ZDHHC14: variants seen among roughly 807,000 people sequenced by gnomAD.
ZDHHC14 encodes the protein zDHHC palmitoyltransferase 14.
A neutral mutation model predicts 47.7 loss-of-function variants in ZDHHC14; 16 were observed. That is an observed-to-expected ratio of 0.34 (90% confidence interval 0.23 to 0.51). The LOEUF (loss-of-function observed/expected upper bound fraction) is 0.51. Among genes scored for constraint, ZDHHC14 ranks in the 20% least tolerant of loss-of-function variants. The pLI is 0.97. For missense variants in ZDHHC14, 515 were observed against 662.5 expected, an observed-to-expected ratio of 0.78 and a Z score of 2.44; for synonymous variants, 293 against 278.9, an observed-to-expected ratio of 1.05 and a Z score of -0.50.
chr6:157,602,819 G>A lies in ZDHHC14; in HGVS notation c.565+9673G>A, dbSNP rs548465796. Among the ~76,000 whole-genome samples the A allele has an allele frequency of 2.8e-4, 42 of 152,334 alleles. 1 individual carries two copies. Among genetic ancestry groups the A allele is most frequent in the African/African-American group, 9.9e-4 (41 of 41,576 alleles). ...ACCCAGGCTGGGTTCTGCTGCTGCTGAGGGCACCAGCCCCTTCGTGCTAGC... is the reference window on the plus strand; with the variant it reads ...ACCCAGGCTGGGTTCTGCTGCTGCTAAGGGCACCAGCCCCTTCGTGCTAGC... On this transcript the variant is annotated intron_variant, in intron 3 of 8. Coordinates refer to ENST00000359775, the MANE Select transcript of ZDHHC14 (RefSeq NM_024630.3).
At chr6:157,610,196 G>C (rs1278518079) in intron 3 of ZDHHC14, among the ~76,000 whole-genome samples, 1 of 152,234 alleles carries the variant, frequency 6.6e-6, no homozygotes, top group Non-Finnish European at 1.5e-5. Flanking sequence ...TGTAATCCCA[G>C]CACTTTGGGA....
At chr6:157,538,997 C>T (rs1401046576) in intron 1 of ZDHHC14, among the ~76,000 whole-genome samples, 2 of 152,032 alleles carry the variant, frequency 1.3e-5, no homozygotes, top group African/African-American at 4.8e-5. Context: ...GGAGCTCGAG[C>T]TTCATTTGGT....
chr6:157,421,027 G>A (rs528017447), intron 1 of ZDHHC14, among the ~76,000 whole-genome samples: 3 of 152,224 alleles, frequency 2.0e-5, no homozygotes, highest in East Asian at 1.9e-4. Flanking sequence ...CTGAACTAAC[G>A]TAATACCTTT....
At chr6:157,556,177 G>A (rs1382791984) in intron 2 of ZDHHC14, among the ~76,000 whole-genome samples, 9 of 150,674 alleles carry the variant, frequency 6.0e-5, no homozygotes, top group Admixed American at 2.0e-4. Flanking sequence ...GATTTGGTTC[G>A]TGTTGTGGTG....
At chr6:157,451,988 G>T (rs1284448885) in intron 1 of ZDHHC14, among the ~76,000 whole-genome samples, 1 of 152,208 alleles carries the variant, frequency 6.6e-6, no homozygotes, top group Non-Finnish European at 1.5e-5. Flanking sequence ...GGGGCCCAAA[G>T]GGGATGCTGA....
At chr6:157,616,693 G>T (rs1032804979) in intron 3 of ZDHHC14, among the ~76,000 whole-genome samples, 2 of 152,184 alleles carry the variant, frequency 1.3e-5, no homozygotes, top group Non-Finnish European at 2.9e-5. Context: ...AACCACACAC[G>T]AGGCAGGAGG....
intron 3 of ZDHHC14, among the ~76,000 whole-genome samples, chr6:157,611,803 A>G (rs1784760049): frequency 6.6e-6 from 1 of 152,180 alleles, no homozygotes; most frequent in African/African-American, 2.4e-5. Context: ...CTGTTTGTGC[A>G]TCTTTTTGAC....
chr6:157,533,388 GTC>G (rs1781433036), intron 1 of ZDHHC14, among the ~76,000 whole-genome samples: 6 of 152,196 alleles, frequency 3.9e-5, no homozygotes, highest in Non-Finnish European at 8.8e-5. Context: ...GGGATGGCTG[GTC>G]ATAGGAGGGC....
In ZDHHC14 at chr6:157,673,787, G is replaced by A. The variant is rs1340082903; in HGVS notation, c.*665G>A. On this transcript the variant is annotated 3_prime_UTR_variant, in exon 9 of 9. Coordinates refer to ENST00000359775, the MANE Select transcript of ZDHHC14 (RefSeq NM_024630.3). The surrounding 1 kb of genome is among the most constrained non-coding windows in gnomAD (Gnocchi z 5.4). ...GCACCGGGGCTGCAGAGGGCGGCTGGGGTTCCGTCGTGTCGGGTGTCACTT... is the reference window on the plus strand; with the variant it reads ...GCACCGGGGCTGCAGAGGGCGGCTGAGGTTCCGTCGTGTCGGGTGTCACTT... The A allele has an allele frequency of 6.5e-6, 1 of 152,686 alleles. No individual in the cohort carries two copies. The highest frequency in any genetic ancestry group is 1.5e-5 in the Non-Finnish European group (1 of 68,092). 9.5% of individuals were successfully genotyped at this position (152,686 alleles called of 1,614,324 possible).
intron 2 of ZDHHC14, among the ~76,000 whole-genome samples, chr6:157,545,413 A>G (rs1394862230): frequency 6.6e-6 from 1 of 152,066 alleles, no homozygotes; most frequent in African/African-American, 2.4e-5. Flanking sequence ...GCAGTGGCTC[A>G]CGCCTGTAAT....
chr6:157,576,835 C>T (rs1783324190), intron 2 of ZDHHC14, among the ~76,000 whole-genome samples: 1 of 152,218 alleles, frequency 6.6e-6, no homozygotes, highest in Non-Finnish European at 1.5e-5. Context: ...CAGGCTATGC[C>T]ACTGTTCCGA....
intron 3 of ZDHHC14, among the ~76,000 whole-genome samples, chr6:157,624,623 C>A (rs1164523938): frequency 6.6e-6 from 1 of 152,170 alleles, no homozygotes; most frequent in Non-Finnish European, 1.5e-5. Flanking sequence ...ATTTAATGGA[C>A]AGGAGCTCAG....
intron 1 of ZDHHC14, among the ~76,000 whole-genome samples, chr6:157,458,508 A>G (rs1282658585): frequency 6.6e-6 from 1 of 152,152 alleles, no homozygotes; most frequent in Non-Finnish European, 1.5e-5. Context: ...GAAAATGTCA[A>G]TTCAAAAAAT....
intron 5 of ZDHHC14, among the ~76,000 whole-genome samples, chr6:157,640,616 C>T (rs548957582): frequency 6.6e-5 from 10 of 152,264 alleles, no homozygotes; most frequent in Admixed American, 1.3e-4. Context: ...CAGGGGTGTC[C>T]AGAGCTGGAG....
At chr6:157,640,142 C>G (rs613531) in intron 5 of ZDHHC14, among the ~76,000 whole-genome samples, 85,352 of 152,104 alleles carry the variant, frequency 0.56, 24,634 homozygotes, top group African/African-American at 0.65. Flanking sequence ...GAGGAAGACC[C>G]CAAAAGGGGA....
chr6:157,468,358 T>C (rs1256696152), intron 1 of ZDHHC14, among the ~76,000 whole-genome samples: 1 of 152,198 alleles, frequency 6.6e-6, no homozygotes, highest in Non-Finnish European at 1.5e-5. Flanking sequence ...GCCCATTCCT[T>C]GTGATATTTT....
intron 1 of ZDHHC14, 50 bp downstream of exon 1, chr6:157,382,316 T>C (rs1377290686): frequency 6.3e-7 from 1 of 1,591,164 alleles, no homozygotes; most frequent in Admixed American, 1.9e-5. Flanking sequence ...TGGTCTCCCC[T>C]GTCCCCCGCC....
intron 1 of ZDHHC14, among the ~76,000 whole-genome samples, chr6:157,435,235 G>A (rs1434516715): frequency 6.6e-6 from 1 of 152,254 alleles, no homozygotes; most frequent in East Asian, 1.9e-4. Context: ...TTAACACTCT[G>A]TTTGCTGCCC....
intron 1 of ZDHHC14, among the ~76,000 whole-genome samples, chr6:157,400,811 C>A (rs189082114): frequency 6.6e-6 from 1 of 152,350 alleles, no homozygotes; most frequent in Admixed American, 6.5e-5. Context: ...TCCCCCAGGT[C>A]CCGCTGTCTT....
Sources: gnomAD v4.1 joint callset for allele counts (sites outside exome capture counted in the v4.1 genomes callset) on GRCh38, gnomAD v4.1.1 for gene constraint, Gnocchi (gnomAD v3.1) non-coding constraint, MANE v1.5 for transcripts, NCBI Gene and HGNC (gene_info 2026-07-23, HGNC 2026-07-21) for gene names.